FAM168A: variants seen among roughly 807,000 people sequenced by gnomAD.
FAM168A encodes protein FAM168A.
A neutral mutation model predicts 28.5 loss-of-function variants in FAM168A; 3 were observed. The observed-to-expected ratio is 0.11, with a 90% CI of 0.05 to 0.27. FAM168A has a LOEUF of 0.27. Ranked by LOEUF, FAM168A falls within the 10% of genes least tolerant of loss-of-function variation. The probability of loss-of-function intolerance (pLI) is 1.00; values close to 1 mark genes in which losing one functional copy is unlikely to be tolerated. For missense variants in FAM168A, 222 were observed against 311.5 expected, an observed-to-expected ratio of 0.71 and a Z score of 2.16; for synonymous variants, 122 against 124.2, an observed-to-expected ratio of 0.98 and a Z score of 0.12.
chr11:73,522,438 G>A (rs1943394269), intron 1 of FAM168A, among the ~76,000 whole-genome samples: 1 of 151,948 alleles, frequency 6.6e-6, no homozygotes, highest in African/African-American at 2.4e-5. Context: ...CCAGGTTCAC[G>A]CCATTCTCCT....
At chr11:73,573,676 T>C (rs1441371022) in intron 1 of FAM168A, among the ~76,000 whole-genome samples, 1 of 152,170 alleles carries the variant, frequency 6.6e-6, no homozygotes, top group African/African-American at 2.4e-5. Context: ...CAGTGGCTCA[T>C]GCCCGTAATC....
At chr11:73,435,837 A>G (rs1867078307) in intron 2 of FAM168A, among the ~76,000 whole-genome samples, 1 of 152,138 alleles carries the variant, frequency 6.6e-6, no homozygotes, top group Non-Finnish European at 1.5e-5. Flanking sequence ...ATATTTTCGC[A>G]TTTGCTTTTC....
intron 1 of FAM168A, among the ~76,000 whole-genome samples, chr11:73,592,137 T>C (rs1019256391): frequency 6.6e-6 from 1 of 152,100 alleles, no homozygotes; most frequent in Non-Finnish European, 1.5e-5. Flanking sequence ...CTGTGAAAAA[T>C]ATATCATCTC....
chr11:73,419,888 G>A lies in FAM168A; in HGVS notation c.263C>T (p.Ser88Phe). The A allele has an allele frequency of 6.2e-7, 1 of 1,614,028 alleles. No homozygotes were observed. The highest frequency in any genetic ancestry group is 8.5e-7 in the Non-Finnish European group (1 of 1,179,954). The part of the protein sequence containing the change: ...TGTENRTYQA[S>F]SAAFRYTAGT... Reference sequence around the variant, plus strand: ...GCTGTATTTACTGAAAGCCGCAGAGGATGCTTGGTAAGTTCGGTTCTCGGT... The same window carrying A: ...GCTGTATTTACTGAAAGCCGCAGAGAATGCTTGGTAAGTTCGGTTCTCGGT... Residue 88 changes from serine to phenylalanine, a missense_variant, in exon 4 of 8, where the codon TCC (serine) becomes TTC (phenylalanine). By Grantham distance (155) the Ser-to-Phe change is radical (BLOSUM62 -2). This residue lies in a region of FAM168A where 153 missense variants were observed against 189.2 expected (regional missense o/e 0.81). Coordinates refer to ENST00000356467, the MANE Select transcript of FAM168A (RefSeq NM_015159.3).
intron 1 of FAM168A, among the ~76,000 whole-genome samples, chr11:73,531,955 C>T (rs1158060628): frequency 6.6e-6 from 1 of 151,220 alleles, no homozygotes; most frequent in Non-Finnish European, 1.5e-5. Flanking sequence ...CAGGCGCACA[C>T]CATCATGCCT....
intron 2 of FAM168A, among the ~76,000 whole-genome samples, chr11:73,458,890 G>A (rs1464652436): frequency 2.0e-5 from 3 of 152,160 alleles, no homozygotes; most frequent in African/African-American, 7.2e-5. Context: ...GATTACAGGC[G>A]TGAGCCACTG....
At chr11:73,430,050 G>C (rs563760780) in intron 3 of FAM168A, 1 of 152,802 alleles carries the variant, frequency 6.5e-6, no homozygotes, top group South Asian at 2.1e-4. Context: ...TTGAGTATTA[G>C]AGCACCAGCT....
At chr11:73,462,760 A>C (rs1430188271) in intron 2 of FAM168A, among the ~76,000 whole-genome samples, 1 of 151,884 alleles carries the variant, frequency 6.6e-6, no homozygotes, top group Non-Finnish European at 1.5e-5. Context: ...CCAGCTAAGA[A>C]GGCTGAGGCA....
chr11:73,470,039 G>A (rs908062487), intron 1 of FAM168A, among the ~76,000 whole-genome samples: 1 of 151,982 alleles, frequency 6.6e-6, no homozygotes, highest in African/African-American at 2.4e-5. Context: ...AGCCTCCCGA[G>A]TAGCTGGGAC....
intron 1 of FAM168A, among the ~76,000 whole-genome samples, chr11:73,496,794 T>C (rs1159085569): frequency 6.6e-6 from 1 of 151,772 alleles, no homozygotes; most frequent in Non-Finnish European, 1.5e-5. Context: ...TCTCCTGACC[T>C]CGTGATCCAC....
At chr11:73,455,556 C>T (rs1460814055) in intron 2 of FAM168A, among the ~76,000 whole-genome samples, 1 of 152,172 alleles carries the variant, frequency 6.6e-6, no homozygotes, top group East Asian at 1.9e-4. Flanking sequence ...TGTATTCTGT[C>T]TTCTTATACT....
intron 1 of FAM168A, among the ~76,000 whole-genome samples, chr11:73,546,709 G>T (rs1234729260): frequency 1.4e-5 from 2 of 145,534 alleles, no homozygotes; most frequent in Non-Finnish European, 3.0e-5. Flanking sequence ...TCTAGCCTGG[G>T]CAACAAGAGC....
At chr11:73,457,385 A>C (rs957376450) in intron 2 of FAM168A, among the ~76,000 whole-genome samples, 6 of 151,418 alleles carry the variant, frequency 4.0e-5, no homozygotes, top group African/African-American at 1.5e-4. Context: ...GTGAAACTCC[A>C]TCTCGTTTAA....
chr11:73,423,558 G>GT (rs940942476), intron 3 of FAM168A, among the ~76,000 whole-genome samples: 2 of 152,092 alleles, frequency 1.3e-5, no homozygotes, highest in Non-Finnish European at 2.9e-5. Context: ...ACATCTCCAT[G>GT]TTTTTGTCCA....
At chr11:73,583,132 G>A (rs1363234099) in intron 1 of FAM168A, among the ~76,000 whole-genome samples, 5 of 152,086 alleles carry the variant, frequency 3.3e-5, no homozygotes, top group Non-Finnish European at 7.4e-5. Flanking sequence ...GTGAAACCCC[G>A]TCTTTACTAA....
intron 1 of FAM168A, among the ~76,000 whole-genome samples, chr11:73,493,359 A>G (rs1854797823): frequency 6.6e-6 from 1 of 152,134 alleles, no homozygotes; most frequent in African/African-American, 2.4e-5. Flanking sequence ...AAAGGAGGAA[A>G]GGCTCACTGT....
chr11:73,450,887 G>T (rs1867415539), intron 2 of FAM168A, among the ~76,000 whole-genome samples: 1 of 152,132 alleles, frequency 6.6e-6, no homozygotes, highest in Non-Finnish European at 1.5e-5. Context: ...TACAGTGGAG[G>T]TTCTCTAATC....
intron 1 of FAM168A, among the ~76,000 whole-genome samples, chr11:73,512,301 A>G (rs896194421): frequency 2.6e-5 from 4 of 152,160 alleles, no homozygotes; most frequent in African/African-American, 9.7e-5. Context: ...TACATTTTTT[A>G]TGAGAAAACT....
intron 4 of FAM168A, among the ~76,000 whole-genome samples, chr11:73,417,347 C>G (rs1042887466): frequency 6.6e-6 from 1 of 152,206 alleles, no homozygotes; most frequent in African/African-American, 2.4e-5. Flanking sequence ...CAAGGTTACA[C>G]AGAACCCAGT....
Sources: gnomAD v4.1 joint callset for allele counts (sites outside exome capture counted in the v4.1 genomes callset) on GRCh38, gnomAD v4.1.1 for gene constraint, gnomAD v4.1.1 regional missense constraint, MANE v1.5 for transcripts, NCBI Gene and HGNC (gene_info 2026-07-23, HGNC 2026-07-21) for gene names.